CHCHD3: variants seen among roughly 807,000 people sequenced by gnomAD.
CHCHD3 encodes coiled-coil-helix-coiled-coil-helix domain containing 3, also known as MICOS complex subunit MIC19.
Under a neutral mutation model 38.2 loss-of-function variants are expected in CHCHD3, and 20 were observed. The ratio of observed to expected loss-of-function variants is 0.52; its 90% CI spans 0.37 to 0.76. The LOEUF (loss-of-function observed/expected upper bound fraction) is 0.76, where lower values mean the gene tolerates loss of function less well. CHCHD3 is among the 30% of genes least tolerant of loss of function. The probability of loss-of-function intolerance (pLI) is 0.00; values close to 1 mark genes in which losing one functional copy is unlikely to be tolerated. For missense variants in CHCHD3, 245 were observed against 279.2 expected (o/e 0.88, Z 0.87); for synonymous variants, 82 against 100.0 (o/e 0.82, Z 1.07).
chr7:133,069,391 A>G (rs1312569621), intron 2 of CHCHD3, among the ~76,000 whole-genome samples: 1 of 152,182 alleles, frequency 6.6e-6, no homozygotes, highest in Non-Finnish European at 1.5e-5. Context: ...GTCTATAGCC[A>G]GATTTCCCCC....
At chr7:132,807,606 AATATATATATATATAT>A (rs55835343) in intron 6 of CHCHD3, among the ~76,000 whole-genome samples, 7,067 of 108,950 alleles carry the variant, frequency 0.065, 593 homozygotes, top group Admixed American at 0.23. Flanking sequence ...CATACACATA[AATATATATATATATAT>A]ATATATATAT....
intron 5 of CHCHD3, among the ~76,000 whole-genome samples, chr7:132,846,310 A>G (rs1808074960): frequency 1.3e-5 from 2 of 152,240 alleles, no homozygotes; most frequent in Non-Finnish European, 2.9e-5. Context: ...AGCGGGAGAG[A>G]GACTACAGGC....
intron 3 of CHCHD3, among the ~76,000 whole-genome samples, chr7:133,010,088 G>C (rs1468453462): frequency 2.0e-5 from 3 of 152,206 alleles, no homozygotes; most frequent in Non-Finnish European, 4.4e-5. Flanking sequence ...ATGAAAATCT[G>C]AAATGTTGGG....
At chr7:132,805,572 A>G (rs1222214718) in intron 6 of CHCHD3, among the ~76,000 whole-genome samples, 1 of 152,144 alleles carries the variant, frequency 6.6e-6, no homozygotes, top group Non-Finnish European at 1.5e-5. Context: ...CAGCACACCT[A>G]GAGTCTATCC....
At chr7:132,916,922 T>C (rs1367717885) in intron 4 of CHCHD3, among the ~76,000 whole-genome samples, 1 of 152,200 alleles carries the variant, frequency 6.6e-6, no homozygotes, top group Non-Finnish European at 1.5e-5. Flanking sequence ...ACAGTATGTA[T>C]GTATGGAGAA....
At chr7:132,973,936 G>C in intron 4 of CHCHD3, 1 of 1,278,394 alleles carries the variant, frequency 7.8e-7, no homozygotes, top group Non-Finnish European at 1.0e-6. Context: ...TAAAGGTTCC[G>C]AGGAGTAACA....
chr7:132,841,538 G>A (rs1807940375), intron 5 of CHCHD3, among the ~76,000 whole-genome samples: 1 of 152,060 alleles, frequency 6.6e-6, no homozygotes, highest in South Asian at 2.1e-4. Context: ...GTAAAGGAAT[G>A]AATTAGACAA....
intron 2 of CHCHD3, among the ~76,000 whole-genome samples, chr7:133,069,601 A>T (rs1286742056): frequency 6.6e-6 from 1 of 152,226 alleles, no homozygotes; most frequent in African/African-American, 2.4e-5. Flanking sequence ...GAGAAGAAAC[A>T]GCATTAAGTC....
intron 4 of CHCHD3, among the ~76,000 whole-genome samples, chr7:132,897,424 A>G (rs983152468): frequency 4.6e-5 from 7 of 152,164 alleles, no homozygotes. Context: ...TGGCCACTCA[A>G]CCTCTTTTCT....
intron 1 of CHCHD3, among the ~76,000 whole-genome samples, chr7:133,079,600 G>A (rs1815111035): frequency 6.6e-6 from 1 of 152,204 alleles, no homozygotes; most frequent in African/African-American, 2.4e-5. Context: ...GGAAGTGATG[G>A]TATTACCGTT....
chr7:132,807,693 G>T (rs746929926), intron 6 of CHCHD3, among the ~76,000 whole-genome samples: 5 of 141,308 alleles, frequency 3.5e-5, no homozygotes, highest in Non-Finnish European at 6.1e-5. Context: ...GCTGAGAAAT[G>T]ATTATAAAAT....
intron 4 of CHCHD3, among the ~76,000 whole-genome samples, chr7:132,927,499 G>A (rs982807159): frequency 9.2e-5 from 14 of 152,118 alleles, no homozygotes; most frequent in African/African-American, 2.7e-4. Flanking sequence ...ACTGTATCTC[G>A]CCCAGGCCTT....
intron 4 of CHCHD3, among the ~76,000 whole-genome samples, chr7:132,931,521 A>G (rs1810515080): frequency 6.6e-6 from 1 of 152,234 alleles, no homozygotes; most frequent in African/African-American, 2.4e-5. Flanking sequence ...ATACTAGAAC[A>G]TAAAGCGCTA....
chr7:132,992,156 T>A (rs1812299632), intron 3 of CHCHD3, among the ~76,000 whole-genome samples: 1 of 152,166 alleles, frequency 6.6e-6, no homozygotes, highest in Non-Finnish European at 1.5e-5. Flanking sequence ...ATTTGCTTCC[T>A]ATCGCGTCAC....
At chr7:133,022,129 G>A (rs1813195309) in intron 3 of CHCHD3, among the ~76,000 whole-genome samples, 1 of 151,796 alleles carries the variant, frequency 6.6e-6, no homozygotes, top group South Asian at 2.1e-4. Flanking sequence ...ATTTAAAAAG[G>A]GTTACAATGA....
intron 4 of CHCHD3, among the ~76,000 whole-genome samples, chr7:132,968,518 T>C (rs1338334943): frequency 6.6e-6 from 1 of 152,198 alleles, no homozygotes; most frequent in Non-Finnish European, 1.5e-5. Context: ...ACTAATACTC[T>C]ACACATATCC....
chr7:132,975,099 C>T (rs2117332396), intron 4 of CHCHD3, 70 bp downstream of exon 4: 1 of 1,182,784 alleles, frequency 8.5e-7, no homozygotes, highest in East Asian at 2.3e-5. Context: ...GCACAGAGTA[C>T]TTAGCTCTTC....
At chr7:133,077,652 C>G (rs931227918) in intron 1 of CHCHD3, among the ~76,000 whole-genome samples, 3 of 152,194 alleles carry the variant, frequency 2.0e-5, no homozygotes, top group Non-Finnish European at 4.4e-5. Flanking sequence ...TCCAAGCAGG[C>G]ACAGCAGGTG....
chr7:133,059,777 G>C (rs1814447106), intron 2 of CHCHD3, among the ~76,000 whole-genome samples: 1 of 152,174 alleles, frequency 6.6e-6, no homozygotes, highest in East Asian at 1.9e-4. Flanking sequence ...ACCAACCTAA[G>C]AGAAAGACCC....
Sources: gnomAD v4.1 joint callset for allele counts (sites outside exome capture counted in the v4.1 genomes callset) on GRCh38, gnomAD v4.1.1 for gene constraint, MANE v1.5 for transcripts, NCBI Gene and HGNC (gene_info 2026-07-23, HGNC 2026-07-21) for gene names.